PAK5: variants seen among roughly 807,000 people sequenced by gnomAD.
PAK5 encodes the protein serine/threonine-protein kinase PAK 5.
In PAK5, 16 loss-of-function variants were observed where a neutral mutation model predicts 65.9. That is an observed-to-expected ratio of 0.24 (90% confidence interval 0.16 to 0.37). The LOEUF (loss-of-function observed/expected upper bound fraction) is 0.37. PAK5 is among the 10% of genes least tolerant of loss of function. The pLI is 1.00. For missense variants in PAK5, 785 were observed against 903.9 expected, an observed-to-expected ratio of 0.87 and a Z score of 1.69; for synonymous variants, 371 against 354.9, an observed-to-expected ratio of 1.05 and a Z score of -0.51.
At chr20:9,566,604 G>A (rs1568968056) in intron 4 of PAK5, among the ~76,000 whole-genome samples, 1 of 152,096 alleles carries the variant, frequency 6.6e-6, no homozygotes, top group South Asian at 2.1e-4. Flanking sequence ...TCATATCTAA[G>A]GTGTACTTGC....
At chr20:9,681,965 T>C (rs983426269) in intron 2 of PAK5, among the ~76,000 whole-genome samples, 2 of 152,218 alleles carry the variant, frequency 1.3e-5, no homozygotes, top group African/African-American at 2.4e-5. Context: ...CCTAAAGATG[T>C]AATTCTATTG....
At chr20:9,815,762 T>G (rs1296165967) in intron 1 of PAK5, among the ~76,000 whole-genome samples, 3 of 152,150 alleles carry the variant, frequency 2.0e-5, no homozygotes, top group Admixed American at 6.6e-5. Context: ...GTAATTAAAT[T>G]TAATCCCACC....
intron 1 of PAK5, among the ~76,000 whole-genome samples, chr20:9,815,539 A>G (rs1243748980): frequency 6.6e-6 from 1 of 152,136 alleles, no homozygotes; most frequent in African/African-American, 2.4e-5. Flanking sequence ...CTGACATGGA[A>G]CAGTAATTAC....
At chr20:9,810,025 A>G (rs997674156) in intron 1 of PAK5, among the ~76,000 whole-genome samples, 1 of 152,050 alleles carries the variant, frequency 6.6e-6, no homozygotes, top group Non-Finnish European at 1.5e-5. Context: ...TCCTCCCGAG[A>G]CTCATTCCTT....
chr20:9,625,552 T>A (rs1324301006), intron 3 of PAK5, among the ~76,000 whole-genome samples: 1 of 152,200 alleles, frequency 6.6e-6, no homozygotes, highest in African/African-American at 2.4e-5. Context: ...ATGATTTTTA[T>A]TTGTCTTCAT....
chr20:9,806,692 T>C lies in PAK5; in HGVS notation c.-162+32070A>G, dbSNP rs916572114. ...TAAAATGGTGACACTAAGGAGTGTGTTATCCATTAAATGAGCCACAGATAA... is the reference window on the plus strand; with the variant it reads ...TAAAATGGTGACACTAAGGAGTGTGCTATCCATTAAATGAGCCACAGATAA... On this transcript the variant is annotated intron_variant, in intron 1 of 9. Coordinates refer to ENST00000353224, the MANE Select transcript of PAK5 (RefSeq NM_177990.4). 2.6e-5 allele frequency among the ~76,000 whole-genome samples: 4 copies of C among 152,282 alleles called. No homozygotes were observed. In the South Asian group the frequency reaches 8.3e-4, roughly 32 times the overall value.
intron 2 of PAK5, among the ~76,000 whole-genome samples, chr20:9,672,174 A>C (rs370272115): frequency 3.2e-4 from 49 of 152,002 alleles, no homozygotes; most frequent in African/African-American, 1.1e-3. Context: ...CTAACGCATC[A>C]ATTTTTAAAA....
intron 1 of PAK5, among the ~76,000 whole-genome samples, chr20:9,795,424 T>C (rs2049094211): frequency 6.6e-6 from 1 of 152,118 alleles, no homozygotes. Flanking sequence ...AAGTTATGTT[T>C]ACCATCAAAA....
intron 1 of PAK5, among the ~76,000 whole-genome samples, chr20:9,721,956 G>C (rs909676375): frequency 6.6e-6 from 1 of 152,078 alleles, no homozygotes; most frequent in African/African-American, 2.4e-5. Flanking sequence ...TTTCATTCTA[G>C]CTGTAATGCT....
chr20:9,560,100 G>A (rs932820416), intron 6 of PAK5, among the ~76,000 whole-genome samples: 2 of 152,100 alleles, frequency 1.3e-5, no homozygotes, highest in African/African-American at 2.4e-5. Flanking sequence ...TTTACAGGTC[G>A]ACTATATCAA....
chr20:9,794,943 GCTATGACAGT>G (rs1391539959), intron 1 of PAK5, among the ~76,000 whole-genome samples: 7 of 151,560 alleles, frequency 4.6e-5, no homozygotes, highest in African/African-American at 1.7e-4. Flanking sequence ...TTCTCATGAA[GCTATGACAGT>G]CTGTATCCCC....
At position 9,618,573 on chromosome 20, in the gene PAK5, AT is replaced by A. The variant is rs369338054; in HGVS notation, c.204+25551del. On this transcript the variant is annotated intron_variant, in intron 3 of 9. Coordinates refer to ENST00000353224, the MANE Select transcript of PAK5 (RefSeq NM_177990.4). ...AGGCATGTGCCACCAGGCCCAGCTA[AT>A]TTTTTTTTTTTTGTATTTTTAGTAG... 2.1e-3 allele frequency among the ~76,000 whole-genome samples: 306 copies of A among 144,560 alleles called. 1 individual carries two copies. Among genetic ancestry groups the A allele is most frequent in the African/African-American group, 4.4e-3 (175 of 39,544 alleles). The allele number at this position is 144,560 out of a possible 152,430, so 94.8% of individuals were successfully genotyped here.
intron 2 of PAK5, among the ~76,000 whole-genome samples, chr20:9,684,647 A>G (rs1569039018): frequency 6.6e-6 from 1 of 151,966 alleles, no homozygotes; most frequent in African/African-American, 2.4e-5. Context: ...CTATAAATGC[A>G]TTTTTTTTCT....
chr20:9,608,131 C>T (rs1035219693), intron 3 of PAK5, among the ~76,000 whole-genome samples: 1 of 152,132 alleles, frequency 6.6e-6, no homozygotes, highest in African/African-American at 2.4e-5. Flanking sequence ...GGGCTCTGCC[C>T]TTATTGACCT....
At chr20:9,580,965 A>G (rs375797327) in intron 3 of PAK5, 35 bp from the exon 4 acceptor site, 2 of 1,462,124 alleles carry the variant, frequency 1.4e-6, no homozygotes, top group Non-Finnish European at 1.8e-6. Flanking sequence ...TTTAAAGAAA[A>G]TATTTCATGG....
At chr20:9,774,942 C>T (rs1306552611) in intron 1 of PAK5, among the ~76,000 whole-genome samples, 3 of 151,988 alleles carry the variant, frequency 2.0e-5, no homozygotes, top group African/African-American at 4.8e-5. Context: ...GGCGGCAGAG[C>T]GAGACTCGGT....
intron 1 of PAK5, among the ~76,000 whole-genome samples, chr20:9,786,257 A>G (rs1290513730): frequency 6.6e-6 from 1 of 152,118 alleles, no homozygotes; most frequent in African/African-American, 2.4e-5. Context: ...TGAGTATTTG[A>G]GCTTTCAAGG....
intron 3 of PAK5, among the ~76,000 whole-genome samples, chr20:9,589,414 A>AT (rs1402480146): frequency 1.3e-5 from 2 of 152,186 alleles, no homozygotes; most frequent in Non-Finnish European, 1.5e-5. Context: ...TTCAATAAAT[A>AT]TTTTCACTCG....
intron 3 of PAK5, among the ~76,000 whole-genome samples, chr20:9,595,090 CACATAT>C (rs1394692201): frequency 6.7e-6 from 1 of 150,340 alleles, no homozygotes; most frequent in African/African-American, 2.5e-5. Flanking sequence ...TATATATATA[CACATAT>C]ACATATATAT....
Sources: gnomAD v4.1 joint callset for allele counts (sites outside exome capture counted in the v4.1 genomes callset) on GRCh38, gnomAD v4.1.1 for gene constraint, MANE v1.5 for transcripts, NCBI Gene and HGNC (gene_info 2026-07-23, HGNC 2026-07-21) for gene names.